The following VWDE variants were observed in gnomAD, a reference collection of about 807,000 sequenced individuals.
VWDE encodes von Willebrand factor D and EGF domain-containing protein.
A neutral mutation model predicts 178.4 loss-of-function variants in VWDE; 207 were observed. That is an observed-to-expected ratio of 1.16 (90% CI 1.04 to 1.30). The LOEUF (loss-of-function observed/expected upper bound fraction) is 1.30. VWDE is among the 50% of genes most tolerant of loss of function. VWDE has a pLI of 0.00. For missense variants in VWDE, 2,287 were observed against 1,901.3 expected, an observed-to-expected ratio of 1.20 and a Z score of -3.77; for synonymous variants, 738 against 651.4, an observed-to-expected ratio of 1.13 and a Z score of -2.02.
intron 1 of VWDE, among the ~76,000 whole-genome samples, chr7:12,395,100 T>C (rs1784563226): frequency 6.6e-6 from 1 of 152,236 alleles, no homozygotes; most frequent in South Asian, 2.1e-4. Context: ...GTACAAGATA[T>C]TGGAAGTCAA....
intron 7 of VWDE, among the ~76,000 whole-genome samples, chr7:12,376,582 AT>A: frequency 6.6e-6 from 1 of 152,238 alleles, no homozygotes; most frequent in South Asian, 2.1e-4. Context: ...GACTAACATG[AT>A]TTTGGAAAAC....
chr7:12,355,573 T>G (rs148739970), intron 18 of VWDE, among the ~76,000 whole-genome samples: 2 of 152,298 alleles, frequency 1.3e-5, no homozygotes, highest in East Asian at 3.9e-4. Context: ...ACAGAAAATA[T>G]TCATATGAGT....
At chr7:12,345,909 A>T (rs1310332291) in intron 19 of VWDE, among the ~76,000 whole-genome samples, 2 of 152,126 alleles carry the variant, frequency 1.3e-5, no homozygotes, top group Non-Finnish European at 2.9e-5. Flanking sequence ...AGTAGGAGTA[A>T]ATCTTGTACT....
At chr7:12,340,494 T>C (rs1433503079) in intron 23 of VWDE, 77 bp from the exon 24 acceptor site, 5 of 978,762 alleles carry the variant, frequency 5.1e-6, no homozygotes, top group South Asian at 1.6e-5. Flanking sequence ...AAGTGCAAAA[T>C]GGTGCATAAT....
At chr7:12,356,381 C>T in intron 17 of VWDE, 51 bp from the exon 18 acceptor site, 1 of 1,442,288 alleles carries the variant, frequency 6.9e-7, no homozygotes, top group East Asian at 2.5e-5. Flanking sequence ...AAATTATCTT[C>T]AGTTTATGCC....
At chr7:12,365,274 G>A (rs140658337) in intron 13 of VWDE, among the ~76,000 whole-genome samples, 16 of 152,090 alleles carry the variant, frequency 1.1e-4, no homozygotes, top group Non-Finnish European at 2.9e-5. Flanking sequence ...GTATTGTATC[G>A]AGGTGAATTT....
chr7:12,379,652 A>G (rs879334563), intron 5 of VWDE, 86 bp from the exon 6 acceptor site: 33 of 901,904 alleles, frequency 3.7e-5, no homozygotes, highest in Non-Finnish European at 5.3e-5. Context: ...CCTAAATTTA[A>G]TTCTTCATAG....
chr7:12,354,920 C>T (rs186544721), intron 18 of VWDE, among the ~76,000 whole-genome samples: 1 of 151,880 alleles, frequency 6.6e-6, no homozygotes, highest in Non-Finnish European at 1.5e-5. Flanking sequence ...TTAGGAAAGT[C>T]AGTCCGTCCT....
At chr7:12,368,499 C>T (rs1220798786) in intron 12 of VWDE, among the ~76,000 whole-genome samples, 1 of 152,032 alleles carries the variant, frequency 6.6e-6, no homozygotes, top group East Asian at 1.9e-4. Flanking sequence ...GAGGTGGAAG[C>T]AGGCCTGGCT....
At chr7:12,331,398 G>C (rs1031558150) in intron 28 of VWDE, among the ~76,000 whole-genome samples, 1 of 152,042 alleles carries the variant, frequency 6.6e-6, no homozygotes, top group African/African-American at 2.4e-5. Context: ...TAACCAAATG[G>C]AGCTTGCATA....
At position 12,369,856 on chromosome 7, in the gene VWDE, G is replaced by C; in HGVS notation, c.2450C>G (p.Ser817Cys). Residue 817 changes from serine to cysteine, a missense_variant, in exon 12 of 29, where the codon TCC (serine) becomes TGC (cysteine). Transcript: ENST00000275358. ...LTLCQETLAN[S>C]SIGRLCLAFL... ...AGCAAGACACAGCCTTCCTATGCTG[G>C]AGTTGGCTAGAGTCTCCTGACAGAG... 6.4e-7 allele frequency: 1 copy of C among 1,551,484 alleles called. No homozygotes were observed.
chr7:12,403,731 G>C lies in VWDE; in HGVS notation c.-15C>G, dbSNP rs995705629. 6.4e-7 allele frequency: 1 copy of C among 1,550,596 alleles called. No homozygotes were observed. Among genetic ancestry groups the C allele is most frequent in the African/African-American group, 1.4e-5 (1 of 73,162 alleles). On this transcript the variant is annotated 5_prime_UTR_variant, in exon 1 of 29. Transcript: ENST00000275358. ...CCGCCAGGCATCGCTGCTTCCGCAG[G>C]TGGGGCGAAAGGCGTCGCAGAGCCC... is the stretch of plus-strand genomic sequence containing the variant.
intron 6 of VWDE, 97 bp downstream of exon 6, chr7:12,379,380 C>G: frequency 1.3e-6 from 1 of 761,176 alleles, no homozygotes; most frequent in Non-Finnish European, 2.0e-6. Context: ...CCGATTCAGT[C>G]TGTGATGAGG....
intron 13 of VWDE, among the ~76,000 whole-genome samples, chr7:12,365,941 G>A (rs1353807948): frequency 6.6e-6 from 1 of 152,044 alleles, no homozygotes; most frequent in African/African-American, 2.4e-5. Flanking sequence ...CAGGGATCGA[G>A]GGAGGGACAT....
intron 9 of VWDE, among the ~76,000 whole-genome samples, chr7:12,373,992 T>G (rs1350341143): frequency 1.3e-5 from 2 of 152,144 alleles, no homozygotes; most frequent in Non-Finnish European, 2.9e-5. Context: ...ATAATTTTAC[T>G]GACAATTATC....
At chr7:12,395,018 G>C (rs966387874) in intron 1 of VWDE, among the ~76,000 whole-genome samples, 5 of 151,894 alleles carry the variant, frequency 3.3e-5, no homozygotes, top group African/African-American at 1.2e-4. Context: ...TTTTTATTTT[G>C]TTTGTAGTTA....
At chr7:12,378,290 C>T (rs1232594431) in intron 6 of VWDE, among the ~76,000 whole-genome samples, 1 of 152,204 alleles carries the variant, frequency 6.6e-6, no homozygotes, top group Non-Finnish European at 1.5e-5. Flanking sequence ...CAACAGAAGA[C>T]TCTGGTTTTT....
chr7:12,345,573 C>G (rs1182708558), intron 19 of VWDE, among the ~76,000 whole-genome samples: 2 of 152,126 alleles, frequency 1.3e-5, no homozygotes, highest in African/African-American at 4.8e-5. Flanking sequence ...ATGACACAAA[C>G]TCATCTTCAT....
intron 1 of VWDE, among the ~76,000 whole-genome samples, chr7:12,401,960 T>C (rs1348928720): frequency 6.6e-6 from 1 of 152,168 alleles, no homozygotes; most frequent in East Asian, 1.9e-4. Flanking sequence ...TTATTCTATC[T>C]TAAAAAGGAA....
Sources: allele counts gnomAD v4.1 joint callset (sites outside exome capture counted in the v4.1 genomes callset), GRCh38; gene constraint gnomAD v4.1.1; transcripts MANE v1.5; gene names NCBI Gene and HGNC (gene_info 2026-07-23, HGNC 2026-07-21).